The following GPC5 variants were observed in gnomAD, a reference collection of about 807,000 sequenced individuals.
GPC5 encodes the protein glypican 5.
GPC5 carries 47 observed loss-of-function variants against 53.9 expected under a neutral mutation model. The ratio of observed to expected loss-of-function variants is 0.87; its 90% CI spans 0.69 to 1.11. The LOEUF is 1.11. Among genes scored for constraint, GPC5 ranks in the 50% most tolerant of loss-of-function variants. The probability of loss-of-function intolerance (pLI) is 0.00; values close to 1 mark genes in which losing one functional copy is unlikely to be tolerated. For synonymous variants in GPC5, 286 were observed against 263.3 expected, an observed-to-expected ratio of 1.09 and a Z score of -0.84; for missense variants, 748 against 713.1, an observed-to-expected ratio of 1.05 and a Z score of -0.56.
intron 7 of GPC5, among the ~76,000 whole-genome samples, chr13:92,751,855 T>C (rs1186061101): frequency 6.6e-6 from 1 of 152,218 alleles, no homozygotes; most frequent in Non-Finnish European, 1.5e-5. Context: ...TCTCCCATTT[T>C]CCGTTTTCAC....
At chr13:91,654,657 T>C (rs2034803435) in intron 2 of GPC5, among the ~76,000 whole-genome samples, 1 of 152,208 alleles carries the variant, frequency 6.6e-6, no homozygotes, top group African/African-American at 2.4e-5. Flanking sequence ...CTAATGTTTC[T>C]ACGGTAACAA....
chr13:92,838,454 G>A (rs994432359), intron 7 of GPC5, among the ~76,000 whole-genome samples: 1 of 149,922 alleles, frequency 6.7e-6, no homozygotes, highest in Non-Finnish European at 1.5e-5. Context: ...CTGCACTCCA[G>A]CCTGGGCTAC....
intron 2 of GPC5, among the ~76,000 whole-genome samples, chr13:91,461,207 C>G (rs564452382): frequency 2.0e-5 from 3 of 152,202 alleles, no homozygotes; most frequent in Admixed American, 1.3e-4. Flanking sequence ...TTTTCTTGTA[C>G]TCTTTATTTG....
At chr13:92,123,460 C>T (rs1382761180) in intron 6 of GPC5, among the ~76,000 whole-genome samples, 1 of 152,106 alleles carries the variant, frequency 6.6e-6, no homozygotes, top group Non-Finnish European at 1.5e-5. Context: ...ATTGAACTTT[C>T]TTCTCATGTT....
intron 5 of GPC5, among the ~76,000 whole-genome samples, chr13:91,790,302 G>A (rs186948968): frequency 1.7e-4 from 26 of 152,088 alleles, no homozygotes; most frequent in African/African-American, 6.0e-4. Flanking sequence ...AGCTATTAAG[G>A]TCATTTGCCC....
At chr13:92,012,598 G>T (rs1191281145) in intron 6 of GPC5, among the ~76,000 whole-genome samples, 1 of 152,024 alleles carries the variant, frequency 6.6e-6, no homozygotes, top group South Asian at 2.1e-4. Context: ...CATGCAATAG[G>T]TATTCATTTC....
At chr13:92,241,509 G>A (rs1310291481) in intron 7 of GPC5, 4 of 152,124 alleles carry the variant, frequency 2.6e-5, no homozygotes, top group Non-Finnish European at 4.4e-5. Flanking sequence ...AATGCATCAC[G>A]GGTAAAGAAT....
At chr13:92,803,870 C>T (rs1212172598) in intron 7 of GPC5, among the ~76,000 whole-genome samples, 1 of 151,940 alleles carries the variant, frequency 6.6e-6, no homozygotes, top group Non-Finnish European at 1.5e-5. Flanking sequence ...TCACACTTCA[C>T]TTCTCCCCCA....
intron 5 of GPC5, among the ~76,000 whole-genome samples, chr13:91,798,275 C>T (rs1248011898): frequency 6.6e-6 from 1 of 152,066 alleles, no homozygotes; most frequent in African/African-American, 2.4e-5. Context: ...CAGAACACAC[C>T]AACCCATCAC....
At chr13:92,710,228 C>T (rs762868235) in intron 7 of GPC5, among the ~76,000 whole-genome samples, 1 of 152,066 alleles carries the variant, frequency 6.6e-6, no homozygotes, top group African/African-American at 2.4e-5. Flanking sequence ...TGTTAAATAT[C>T]AGATATATCT....
At chr13:91,593,551 A>C (rs1393055441) in intron 2 of GPC5, among the ~76,000 whole-genome samples, 1 of 152,070 alleles carries the variant, frequency 6.6e-6, no homozygotes, top group Non-Finnish European at 1.5e-5. Flanking sequence ...CATTTCTTCA[A>C]ATTTGTTCTG....
intron 2 of GPC5, among the ~76,000 whole-genome samples, chr13:91,679,143 G>A (rs556127629): frequency 3.9e-4 from 60 of 152,008 alleles, no homozygotes; most frequent in African/African-American, 1.4e-3. Context: ...ATCTGGCAAT[G>A]AGAAATAATT....
intron 7 of GPC5, among the ~76,000 whole-genome samples, chr13:92,173,475 C>A (rs1268215320): frequency 6.6e-6 from 1 of 152,212 alleles, no homozygotes; most frequent in Non-Finnish European, 1.5e-5. Flanking sequence ...CATGAGGACA[C>A]TCAGTGGGGA....
intron 6 of GPC5, among the ~76,000 whole-genome samples, chr13:92,020,377 A>C (rs1172279709): frequency 1.3e-5 from 2 of 152,126 alleles, no homozygotes; most frequent in Non-Finnish European, 2.9e-5. Flanking sequence ...AGGAATTTTT[A>C]AGTTTGTTGT....
At chr13:91,728,854 T>C (rs2036633645) in intron 4 of GPC5, among the ~76,000 whole-genome samples, 189 bp downstream of exon 4, 1 of 152,118 alleles carries the variant, frequency 6.6e-6, no homozygotes, top group Non-Finnish European at 1.5e-5. Context: ...GTTCCACTTA[T>C]AAGACCAAGA....
At chr13:91,579,724 G>T (rs1456249247) in intron 2 of GPC5, among the ~76,000 whole-genome samples, 2 of 145,344 alleles carry the variant, frequency 1.4e-5, no homozygotes, top group African/African-American at 5.1e-5. Flanking sequence ...TGCCCCCTGG[G>T]TTCAAGAAAT....
At chr13:91,538,790 G>A (rs1474210359) in intron 2 of GPC5, among the ~76,000 whole-genome samples, 1 of 151,556 alleles carries the variant, frequency 6.6e-6, no homozygotes, top group African/African-American at 2.4e-5. Context: ...CACCATGTTA[G>A]CCAGGATGGT....
chr13:91,772,365 T>A (rs564340290), intron 5 of GPC5, among the ~76,000 whole-genome samples: 1 of 152,284 alleles, frequency 6.6e-6, no homozygotes, highest in East Asian at 1.9e-4. Flanking sequence ...TGTGATGACA[T>A]TTGGAAATTG....
intron 2 of GPC5, among the ~76,000 whole-genome samples, chr13:91,628,517 T>C (rs545464743): frequency 6.6e-6 from 1 of 152,030 alleles, no homozygotes; most frequent in African/African-American, 2.4e-5. Context: ...TCTCTATCTA[T>C]CTGTCATCTA....
Sources: allele counts gnomAD v4.1 joint callset (sites outside exome capture counted in the v4.1 genomes callset), GRCh38; gene constraint gnomAD v4.1.1; transcripts MANE v1.5; gene names NCBI Gene and HGNC (gene_info 2026-07-23, HGNC 2026-07-21).